Variants in IMMP2L observed in about 807,000 individuals in gnomAD.
IMMP2L encodes inner mitochondrial membrane peptidase subunit 2.
IMMP2L carries 18 observed loss-of-function variants against 19.3 expected under a neutral mutation model. That is an observed-to-expected ratio of 0.93 (90% confidence interval 0.64 to 1.38). The LOEUF (loss-of-function observed/expected upper bound fraction) is 1.38, where lower values mean the gene tolerates loss of function less well. Ranked by LOEUF, IMMP2L falls within the 40% of genes most tolerant of loss-of-function variation. The pLI is 0.00. For synonymous variants in IMMP2L, 76 were observed against 73.0 expected, an observed-to-expected ratio of 1.04 and a Z score of -0.21; for missense variants, 233 against 218.2, an observed-to-expected ratio of 1.07 and a Z score of -0.43.
chr7:110,988,739 G>C (rs896862472), intron 3 of IMMP2L, among the ~76,000 whole-genome samples: 1 of 152,032 alleles, frequency 6.6e-6, no homozygotes, highest in African/African-American at 2.4e-5. Context: ...ACAAATAAGG[G>C]AGGAGTTAAG....
At chr7:110,979,543 T>C (rs1821035108) in intron 3 of IMMP2L, among the ~76,000 whole-genome samples, 1 of 152,152 alleles carries the variant, frequency 6.6e-6, no homozygotes, top group African/African-American at 2.4e-5. Context: ...ATCACAATTA[T>C]CTAAAGAATT....
intron 3 of IMMP2L, among the ~76,000 whole-genome samples, chr7:111,299,673 G>A (rs901202161): frequency 3.3e-5 from 5 of 151,206 alleles, no homozygotes; most frequent in Non-Finnish European, 1.5e-5. Context: ...TGAGATAACA[G>A]TTTACTGTAG....
intron 3 of IMMP2L, among the ~76,000 whole-genome samples, chr7:111,029,010 A>G (rs1161686481): frequency 6.6e-6 from 1 of 152,190 alleles, no homozygotes; most frequent in Non-Finnish European, 1.5e-5. Flanking sequence ...TAAAATATCT[A>G]TTAGCCTTCT....
intron 5 of IMMP2L, among the ~76,000 whole-genome samples, chr7:110,778,429 T>C (rs1052180282): frequency 7.9e-5 from 12 of 152,028 alleles, no homozygotes; most frequent in African/African-American, 2.4e-4. Context: ...TCTCTTATGA[T>C]GCACGTATTC....
chr7:111,014,313 T>A (rs1296190689), intron 3 of IMMP2L, among the ~76,000 whole-genome samples: 1 of 151,796 alleles, frequency 6.6e-6, no homozygotes, highest in African/African-American at 2.4e-5. Context: ...CGAGATTGCA[T>A]CATTGCACTC....
chr7:110,939,722 A>G (rs772536883), intron 4 of IMMP2L, among the ~76,000 whole-genome samples: 6 of 152,188 alleles, frequency 3.9e-5, no homozygotes, highest in Non-Finnish European at 5.9e-5. Context: ...CAGCTCAGTG[A>G]CTATCTTTAA....
chr7:111,086,650 G>C (rs1490358011), intron 3 of IMMP2L, among the ~76,000 whole-genome samples: 1 of 152,150 alleles, frequency 6.6e-6, no homozygotes, highest in African/African-American at 2.4e-5. Context: ...GAACTAATCT[G>C]TTATTAGAAT....
chr7:111,292,614 G>A (rs2129723086), intron 3 of IMMP2L, among the ~76,000 whole-genome samples: 1 of 152,028 alleles, frequency 6.6e-6, no homozygotes, highest in South Asian at 2.1e-4. Flanking sequence ...AAAACATCAG[G>A]CTAAAGACTG....
At chr7:111,094,199 T>C (rs1797166197) in intron 3 of IMMP2L, among the ~76,000 whole-genome samples, 1 of 152,170 alleles carries the variant, frequency 6.6e-6, no homozygotes, top group Non-Finnish European at 1.5e-5. Flanking sequence ...TGGTATTTAT[T>C]ACAATCTAAG....
intron 3 of IMMP2L, among the ~76,000 whole-genome samples, chr7:111,447,361 G>T (rs897761563): frequency 2.1e-5 from 3 of 145,006 alleles, no homozygotes; most frequent in Admixed American, 6.9e-5. Flanking sequence ...CGGATCTCTC[G>T]ACAGAAACCC....
chr7:110,985,120 A>C (rs1159871281), intron 3 of IMMP2L, among the ~76,000 whole-genome samples: 1 of 152,096 alleles, frequency 6.6e-6, no homozygotes, highest in Non-Finnish European at 1.5e-5. Flanking sequence ...GGAGTTAGAA[A>C]AGGCAAGAAA....
intron 1 of IMMP2L, among the ~76,000 whole-genome samples, chr7:111,554,589 T>C (rs1791047398): frequency 6.6e-6 from 1 of 152,064 alleles, no homozygotes; most frequent in Admixed American, 6.6e-5. Context: ...GCACATATTG[T>C]CCCTCAAAGC....
At chr7:111,372,311 C>G (rs1383491627) in intron 3 of IMMP2L, among the ~76,000 whole-genome samples, 2 of 151,868 alleles carry the variant, frequency 1.3e-5, no homozygotes, top group Non-Finnish European at 2.9e-5. Context: ...ATACAAAACA[C>G]AACAAAGAAA....
chr7:111,264,664 T>A (rs1229251200), intron 3 of IMMP2L, among the ~76,000 whole-genome samples: 1 of 151,500 alleles, frequency 6.6e-6, no homozygotes, highest in Non-Finnish European at 1.5e-5. Flanking sequence ...ACGGTGAGAT[T>A]GGCATCCAGG....
chr7:111,060,099 G>A (rs1793883735), intron 3 of IMMP2L, among the ~76,000 whole-genome samples: 1 of 152,050 alleles, frequency 6.6e-6, no homozygotes, highest in African/African-American at 2.4e-5. Flanking sequence ...TTTGTAAGCA[G>A]CAGTGTAATA....
intron 3 of IMMP2L, among the ~76,000 whole-genome samples, chr7:111,316,921 C>T (rs1278195471): frequency 7.3e-6 from 1 of 137,096 alleles, no homozygotes; most frequent in Non-Finnish European, 1.5e-5. Flanking sequence ...GAGATCTCGG[C>T]TCACTGCAAG....
At chr7:111,458,620 C>T (rs1184219803) in intron 3 of IMMP2L, among the ~76,000 whole-genome samples, 1 of 151,998 alleles carries the variant, frequency 6.6e-6, no homozygotes, top group Admixed American at 6.6e-5. Context: ...TCCTATCCCT[C>T]TGTTCTTTCT....
intron 3 of IMMP2L, among the ~76,000 whole-genome samples, chr7:111,349,736 G>C (rs1052353458): frequency 6.6e-6 from 1 of 151,940 alleles, no homozygotes; most frequent in Non-Finnish European, 1.5e-5. Context: ...GGAAAGGAAG[G>C]GGAGGCCAAA....
chr7:111,250,050 C>CA (rs1490779095), intron 3 of IMMP2L, among the ~76,000 whole-genome samples: 1 of 152,164 alleles, frequency 6.6e-6, no homozygotes, highest in Non-Finnish European at 1.5e-5. Flanking sequence ...TAAGCAATTT[C>CA]AGCAAAGTCT....
Sources: gnomAD v4.1 joint callset for allele counts (sites outside exome capture counted in the v4.1 genomes callset) on GRCh38, gnomAD v4.1.1 for gene constraint, MANE v1.5 for transcripts, NCBI Gene and HGNC (gene_info 2026-07-23, HGNC 2026-07-21) for gene names.